Variants in TET3 observed in about 807,000 individuals in gnomAD.
TET3 encodes methylcytosine dioxygenase TET3.
In TET3, 19 loss-of-function variants were observed where a neutral mutation model predicts 141.4. The observed-to-expected ratio is 0.13, with a 90% CI of 0.09 to 0.20. TET3 has a LOEUF of 0.20. Among genes scored for constraint, TET3 ranks in the 10% least tolerant of loss-of-function variants. The pLI is 1.00. For synonymous variants in TET3, 1,043 were observed against 980.9 expected, an observed-to-expected ratio of 1.06 and a Z score of -1.18; for missense variants, 1,874 against 2,356.9, an observed-to-expected ratio of 0.80 and a Z score of 4.24.
Position 74,105,197 on chromosome 2 carries a change from C to T in TET3, c.*3021C>T. On this transcript the variant is annotated 3_prime_UTR_variant, in exon 12 of 12. Coordinates refer to ENST00000409262, the MANE Select transcript of TET3 (RefSeq NM_001287491.2). ...GCAACTAAAGAACCTAACAGCATGA[C>T]CAAGTTCGAAGAGTCATATTATAGC... The T allele has an allele frequency of 5.0e-6, 2 of 398,530 alleles. No individual in the cohort carries two copies. The highest frequency in any genetic ancestry group is 8.8e-6 in the Non-Finnish European group (2 of 226,058). The allele number at this position is 398,530 out of a possible 1,614,324, so 24.7% of individuals were successfully genotyped here. A position where few individuals can be genotyped will look rare whatever the true frequency, so the allele number is the denominator to read the frequency against.
At chr2:74,009,735 A>G (rs1558707372) in intron 3 of TET3, among the ~76,000 whole-genome samples, 1 of 152,206 alleles carries the variant, frequency 6.6e-6, no homozygotes. Context: ...GAGGGCCTCT[A>G]AGGACATGCT....
chr2:74,016,636 C>T (rs541643427), intron 3 of TET3, among the ~76,000 whole-genome samples: 11 of 151,824 alleles, frequency 7.2e-5, no homozygotes, highest in African/African-American at 1.9e-4. Flanking sequence ...GCAGGAGAAT[C>T]GCTTGAGCCT....
At chr2:74,127,422 A>G in the TET3 span, among the ~76,000 whole-genome samples, 2 of 152,214 alleles carry the variant, frequency 1.3e-5, no homozygotes, top group African/African-American at 4.8e-5. Context: ...TAGTGAGAAA[A>G]TCAGCTGACC....
At chr2:73,999,468 G>A (rs190191937) in intron 2 of TET3, among the ~76,000 whole-genome samples, 1 of 152,322 alleles carries the variant, frequency 6.6e-6, no homozygotes, top group East Asian at 1.9e-4. Context: ...CCAAGAATGT[G>A]TCTGGTTGTG....
rs901875112 is a variant in TET3, at chr2:74,054,368, G to A, written c.2494+5957G>A. Among the ~76,000 whole-genome samples, 15 of 152,338 alleles carry A rather than the reference G, an allele frequency of 9.8e-5. No homozygotes were observed. In the East Asian group the frequency reaches 2.5e-3, roughly 25 times the overall value. ...AGTGACTGGTTGGATGTAGGAGTAA[G>A]GGAGGAGGAGTGGTCACAGGTGACT... On this transcript the variant is annotated intron_variant, in intron 4 of 11. Coordinates refer to ENST00000409262, the MANE Select transcript of TET3 (RefSeq NM_001287491.2).
chr2:74,125,691 TA>T, the TET3 span, among the ~76,000 whole-genome samples: 9,347 of 150,200 alleles, frequency 0.062, 944 homozygotes, highest in African/African-American at 0.22. Flanking sequence ...TAAAGTATGC[TA>T]AAATTTTTTT....
At chr2:74,056,777 C>T (rs1273564465) in intron 4 of TET3, among the ~76,000 whole-genome samples, 4 of 152,186 alleles carry the variant, frequency 2.6e-5, no homozygotes, top group African/African-American at 9.7e-5. Context: ...AGAGGAAAAG[C>T]TTTCATCAGC....
chr2:73,994,726 C>G (rs1180697750), intron 2 of TET3, among the ~76,000 whole-genome samples: 1 of 149,912 alleles, frequency 6.7e-6, no homozygotes, highest in Non-Finnish European at 1.5e-5. Context: ...CACCCTCTGC[C>G]TCCCAGGTTC....
intron 5 of TET3, among the ~76,000 whole-genome samples, chr2:74,078,947 G>T (rs1444790119): frequency 2.0e-5 from 3 of 152,194 alleles, no homozygotes; most frequent in African/African-American, 7.2e-5. Flanking sequence ...TCAAAGTAAG[G>T]AAATCTGTCG....
downstream of TET3, among the ~76,000 whole-genome samples, chr2:74,109,015 G>A (rs78325123): frequency 0.01 from 1,565 of 152,266 alleles, 27 homozygotes; most frequent in African/African-American, 0.036. Flanking sequence ...GGCACACCTG[G>A]CTATCCAGGG....
intron 4 of TET3, among the ~76,000 whole-genome samples, chr2:74,049,912 G>A (rs1687853291): frequency 6.6e-6 from 1 of 152,078 alleles, no homozygotes. Context: ...CACTGGCCCT[G>A]TCCATTCTTA....
chr2:74,120,479 C>T, the TET3 span, among the ~76,000 whole-genome samples: 1 of 152,226 alleles, frequency 6.6e-6, no homozygotes, highest in Non-Finnish European at 1.5e-5. Flanking sequence ...CCGCTGGAGT[C>T]GCGAATGGCC....
At chr2:74,134,510 G>T in the TET3 span, 1 of 324,982 alleles carries the variant, frequency 3.1e-6, no homozygotes, top group South Asian at 2.4e-5. Context: ...ATTTCTTAGG[G>T]AGGTACCTTC....
intron 4 of TET3, among the ~76,000 whole-genome samples, chr2:74,058,974 G>A (rs1453612335): frequency 6.6e-6 from 1 of 152,156 alleles, no homozygotes; most frequent in Non-Finnish European, 1.5e-5. Context: ...GTTGTCTATA[G>A]CCACTTTTGC....
chr2:74,071,900 G>T (rs1019502133), intron 4 of TET3, among the ~76,000 whole-genome samples: 3 of 152,156 alleles, frequency 2.0e-5, no homozygotes, highest in African/African-American at 7.2e-5. Context: ...CATCCATGTT[G>T]TTACGTGAAT....
chr2:74,060,111 C>G (rs1479380110), intron 4 of TET3, among the ~76,000 whole-genome samples: 1 of 152,144 alleles, frequency 6.6e-6, no homozygotes, highest in Non-Finnish European at 1.5e-5. Flanking sequence ...GTGGTTGTTA[C>G]AGTTTAAGCT....
At position 74,047,979 on chromosome 2, in the gene TET3, C is replaced by G; in HGVS notation, c.2062C>G (p.Pro688Ala). 1 of 1,610,930 alleles carries G rather than the reference C, an allele frequency of 6.2e-7. No homozygotes were observed. The highest frequency in any genetic ancestry group is 8.5e-7 in the Non-Finnish European group (1 of 1,178,378). ...PPTQEMRSPS[P>A]MTALQPGSTG... ...TACTCAGGAAATGAGGTCCCCCAGC[C>G]CCATGACAGCCTTGCAGCCAGGCTC... The change falls in exon 4 of 12, where the codon CCC (proline) becomes GCC (alanine). Residue 688 changes from proline (P) to alanine (A), a missense_variant. Physicochemically the swap from Pro to Ala is conservative, Grantham distance 27 (BLOSUM62 -1). Coordinates refer to ENST00000409262, the MANE Select transcript of TET3 (RefSeq NM_001287491.2).
In TET3 at chr2:74,107,420, G is replaced by C. The variant is rs1691559459; in HGVS notation, c.*5244G>C. On this transcript the variant is annotated 3_prime_UTR_variant, in exon 12 of 12. Coordinates refer to ENST00000409262, the MANE Select transcript of TET3 (RefSeq NM_001287491.2). The stretch of plus-strand genomic sequence containing the variant: ...ATTGTTTGCTCCCTCTTCGCGTTTT[G>C]ACTACCCGTCATTCAGGGGTAACTC... 6.6e-6 allele frequency: 1 copy of C among 152,182 alleles called. No individual in the cohort carries two copies. Among genetic ancestry groups the C allele is most frequent in the Admixed American group, 6.5e-5 (1 of 15,288 alleles). The allele number at this position is 152,182 out of a possible 1,614,324, so 9.4% of individuals were successfully genotyped here. A position where few individuals can be genotyped will look rare whatever the true frequency, so the allele number is the denominator to read the frequency against.
intron 8 of TET3, among the ~76,000 whole-genome samples, chr2:74,091,676 TCCACCTTC>T: frequency 6.6e-6 from 1 of 152,380 alleles, no homozygotes; most frequent in African/African-American, 2.4e-5. Context: ...GCTGTGGGTC[TCCACCTTC>T]CATTTCTCAT....
Sources: allele counts gnomAD v4.1 joint callset (sites outside exome capture counted in the v4.1 genomes callset), GRCh38; gene constraint gnomAD v4.1.1; transcripts MANE v1.5; gene names NCBI Gene and HGNC (gene_info 2026-07-23, HGNC 2026-07-21).